Variants in PIGU observed in about 807,000 individuals in gnomAD.
PIGU encodes the protein phosphatidylinositol glycan anchor biosynthesis class U, also known as GPI-anchor transamidase component PIGU.
In PIGU, 24 loss-of-function variants were observed where a neutral mutation model predicts 49.9. The ratio of observed to expected loss-of-function variants is 0.48; its 90% CI spans 0.35 to 0.68. PIGU has a LOEUF of 0.68. PIGU is among the 30% of genes least tolerant of loss of function. The pLI, the probability that PIGU is intolerant of heterozygous loss-of-function variation, is 0.01. For missense variants in PIGU, 490 were observed against 532.6 expected (o/e 0.92, Z 0.79); for synonymous variants, 220 against 205.7 (o/e 1.07, Z -0.59).
intron 7 of PIGU, among the ~76,000 whole-genome samples, chr20:34,596,473 T>C (rs886258555): frequency 1.9e-4 from 29 of 152,220 alleles, no homozygotes; most frequent in African/African-American, 6.8e-4. Flanking sequence ...TAACTGTATA[T>C]GGTTATATAA....
chr20:34,616,020 C>G, intron 7 of PIGU, 22 bp downstream of exon 7: 1 of 1,592,958 alleles, frequency 6.3e-7, no homozygotes, highest in South Asian at 1.1e-5. Context: ...TGGGTGCTGG[C>G]TTCTGACCAG....
chr20:34,590,034 G>C (rs1983891260), intron 7 of PIGU, among the ~76,000 whole-genome samples: 1 of 151,498 alleles, frequency 6.6e-6, no homozygotes, highest in Non-Finnish European at 1.5e-5. Context: ...AGTTTGGGCA[G>C]TAGACATATG....
At chr20:34,658,875 G>A (rs1986810137) in intron 1 of PIGU, among the ~76,000 whole-genome samples, 1 of 151,150 alleles carries the variant, frequency 6.6e-6, no homozygotes, top group Admixed American at 6.6e-5. Context: ...ATCTCCGCCC[G>A]GCAGCCACCC....
intron 7 of PIGU, among the ~76,000 whole-genome samples, chr20:34,614,606 C>G (rs1194398522): frequency 7.1e-6 from 1 of 140,584 alleles, no homozygotes; most frequent in Non-Finnish European, 1.5e-5. Context: ...GCCTGGGTGA[C>G]AGAGCAAGGA....
At chr20:34,608,235 T>C (rs764615090) in intron 7 of PIGU, among the ~76,000 whole-genome samples, 30 of 152,064 alleles carry the variant, frequency 2.0e-4, no homozygotes, top group Non-Finnish European at 4.0e-4. Context: ...CCACCATGCC[T>C]GGCTCATTTT....
intron 9 of PIGU, among the ~76,000 whole-genome samples, chr20:34,583,465 A>T (rs1238244491): frequency 6.6e-6 from 1 of 152,236 alleles, no homozygotes; most frequent in African/African-American, 2.4e-5. Context: ...ATACCCAGGC[A>T]GAAGAGAAGA....
intron 1 of PIGU, among the ~76,000 whole-genome samples, chr20:34,675,776 G>A (rs1987478477): frequency 1.3e-5 from 2 of 152,088 alleles, no homozygotes; most frequent in African/African-American, 4.8e-5. Context: ...CACTTTGGGA[G>A]GCCAAGTGAG....
Position 34,634,653 on chromosome 20 carries a change from T to C in PIGU, c.491A>G (p.Asn164Ser). 2 of 1,613,334 alleles carry C rather than the reference T, an allele frequency of 1.2e-6. No individual in the cohort carries two copies. Among genetic ancestry groups the C allele is most frequent in the Non-Finnish European group, 1.7e-6 (2 of 1,179,446 alleles). Reference protein sequence around the residue: ...CVAKSTCAINNTLIAFFILTT... With the variant: ...CVAKSTCAINSTLIAFFILTT... Reference sequence around the variant, plus strand: ...CAAAATGAAGAAAGCAATGAGGGTGTTGTTGATGGCACAGGTAGACTTGGC... The same window carrying C: ...CAAAATGAAGAAAGCAATGAGGGTGCTGTTGATGGCACAGGTAGACTTGGC... The change falls in exon 6 of 12, where the codon AAC becomes AGC. Residue 164 changes from asparagine to serine, a missense_variant. By Grantham distance (46) the Asn-to-Ser change is conservative. Transcript: ENST00000217446.
rs142368475 is a variant in PIGU, at chr20:34,626,451, C to T, written c.529+8164G>A. Among the ~76,000 whole-genome samples the T allele has an allele frequency of 7.6e-3, 1,151 of 152,044 alleles. 17 individuals are homozygous for T. The highest frequency in any genetic ancestry group is 0.027 in the African/African-American group (1,108 of 41,470). The stretch of plus-strand genomic sequence containing the variant: ...CCGAGTAGTTGGGATTACAGGTGCC[C>T]ACCACCACGCCCTGCTAATTTTTGT... On this transcript the variant is annotated intron_variant, in intron 6 of 11. Coordinates refer to ENST00000217446, the MANE Select transcript of PIGU (RefSeq NM_080476.5).
chr20:34,645,724 G>A (rs1342945398), intron 2 of PIGU, among the ~76,000 whole-genome samples: 3 of 151,936 alleles, frequency 2.0e-5, no homozygotes, highest in Non-Finnish European at 2.9e-5. Context: ...TAAAACCCCC[G>A]TCTCTACTAA....
At chr20:34,616,006 C>T (rs1984991213) in intron 7 of PIGU, 36 bp downstream of exon 7, 1 of 1,581,290 alleles carries the variant, frequency 6.3e-7, no homozygotes, top group African/African-American at 1.4e-5. Context: ...TATTAAATGT[C>T]ACTTGGGTGC....
intron 5 of PIGU, among the ~76,000 whole-genome samples, chr20:34,635,601 A>G (rs1985931183): frequency 1.3e-5 from 2 of 152,178 alleles, no homozygotes; most frequent in African/African-American, 2.4e-5. Context: ...ACAAGCCGGG[A>G]GCAGTGGCTC....
At chr20:34,593,260 C>T (rs1288975809) in intron 7 of PIGU, among the ~76,000 whole-genome samples, 3 of 151,598 alleles carry the variant, frequency 2.0e-5, no homozygotes, top group Non-Finnish European at 4.4e-5. Context: ...TAGCTTGAAC[C>T]CAGGAAGGGA....
chr20:34,666,639 TC>T (rs953261171), intron 1 of PIGU, among the ~76,000 whole-genome samples: 1 of 145,022 alleles, frequency 6.9e-6, no homozygotes, highest in African/African-American at 2.5e-5. Context: ...AAGCTCAGCC[TC>T]CCACGTAGCT....
chr20:34,657,668 G>A (rs947373683), intron 1 of PIGU, among the ~76,000 whole-genome samples: 5 of 152,050 alleles, frequency 3.3e-5, no homozygotes, highest in African/African-American at 1.2e-4. Context: ...TTAACTTTTC[G>A]ACAGGGCAAT....
chr20:34,657,831 T>C (rs1380181426), intron 1 of PIGU, among the ~76,000 whole-genome samples: 1 of 152,182 alleles, frequency 6.6e-6, no homozygotes, highest in Non-Finnish European at 1.5e-5. Flanking sequence ...TGTCCATTAA[T>C]GAAAATTTAT....
At chr20:34,584,842 T>G (rs1983634347) in intron 9 of PIGU, among the ~76,000 whole-genome samples, 1 of 152,116 alleles carries the variant, frequency 6.6e-6, no homozygotes, top group African/African-American at 2.4e-5. Context: ...CACCCGCCAC[T>G]ATACCTGGCA....
intron 4 of PIGU, chr20:34,643,800 C>CAAAAAAAA (rs749414414): frequency 4.4e-5 from 2 of 45,118 alleles, no homozygotes; most frequent in African/African-American, 1.3e-4. Context: ...TCTTCCTATG[C>CAAAAAAAA]AAAAAAAAAA....
chr20:34,576,158 T>C (rs1225436027), intron 10 of PIGU, among the ~76,000 whole-genome samples: 3 of 152,092 alleles, frequency 2.0e-5, no homozygotes, highest in Non-Finnish European at 4.4e-5. Context: ...GAAGATTGCT[T>C]GAGCCCAGGA....
Sources: allele counts gnomAD v4.1 joint callset (sites outside exome capture counted in the v4.1 genomes callset), GRCh38; gene constraint gnomAD v4.1.1; transcripts MANE v1.5; gene names NCBI Gene and HGNC (gene_info 2026-07-23, HGNC 2026-07-21).